Variants in AFG2A observed in about 807,000 individuals in gnomAD.
The protein encoded by AFG2A is AAA ATPase AFG2A.
At chr4:122,942,344 T>G in the AFG2A span, among the ~76,000 whole-genome samples, 12 of 151,206 alleles carry the variant, frequency 7.9e-5, no homozygotes, top group East Asian at 1.5e-3. Context: ...ATTCAACTTC[T>G]TCCTGGTTTA....
chr4:122,968,501 C>T, the AFG2A span, among the ~76,000 whole-genome samples: 1 of 152,184 alleles, frequency 6.6e-6, no homozygotes, highest in African/African-American at 2.4e-5. Context: ...TGCCATAGAT[C>T]AGTTTTGCCT....
the AFG2A span, among the ~76,000 whole-genome samples, chr4:123,202,891 C>G: frequency 6.6e-6 from 1 of 151,952 alleles, no homozygotes; most frequent in South Asian, 2.1e-4. Flanking sequence ...GGCACGATGG[C>G]TTGCATCTGT....
chr4:122,969,389 G>A, the AFG2A span, among the ~76,000 whole-genome samples: 2 of 152,052 alleles, frequency 1.3e-5, no homozygotes, highest in Admixed American at 6.6e-5. Flanking sequence ...CATAAATCAA[G>A]GGTTTGTGTT....
the AFG2A span, among the ~76,000 whole-genome samples, chr4:123,016,693 A>C: frequency 1.3e-5 from 2 of 151,830 alleles, no homozygotes; most frequent in Admixed American, 1.3e-4. Context: ...GGCCAGGCAG[A>C]GACGCTCCTC....
chr4:123,078,016 G>A, the AFG2A span, among the ~76,000 whole-genome samples: 1 of 152,260 alleles, frequency 6.6e-6, no homozygotes, highest in Admixed American at 6.5e-5. Flanking sequence ...TTATATTAAT[G>A]GCAAAGTAGC....
chr4:123,243,095 C>T, the AFG2A span, among the ~76,000 whole-genome samples: 2 of 152,160 alleles, frequency 1.3e-5, no homozygotes, highest in Non-Finnish European at 2.9e-5. Flanking sequence ...AGTTGGGAAA[C>T]AACAGATGCT....
chr4:123,157,382 A>G, the AFG2A span, among the ~76,000 whole-genome samples: 69,355 of 151,998 alleles, frequency 0.46, 19,363 homozygotes, highest in Non-Finnish European at 0.61. Context: ...CATAAGAAGC[A>G]TAAAGCTTTA....
the AFG2A span, among the ~76,000 whole-genome samples, chr4:122,997,542 T>C: frequency 1.3e-5 from 2 of 152,210 alleles, no homozygotes; most frequent in African/African-American, 2.4e-5. Context: ...AGTTCATCAG[T>C]TGATGGACAA....
At chr4:123,227,989 C>G in the AFG2A span, among the ~76,000 whole-genome samples, 9,719 of 152,034 alleles carry the variant, frequency 0.064, 1,038 homozygotes, top group African/African-American at 0.22. Context: ...CTCTTTTGAT[C>G]TTTGTTGGTT....
chr4:123,096,539 C>T, the AFG2A span, among the ~76,000 whole-genome samples: 11 of 151,942 alleles, frequency 7.2e-5, no homozygotes, highest in African/African-American at 2.4e-4. Flanking sequence ...TCTTCTTTCT[C>T]GGGTGATAAG....
the AFG2A span, among the ~76,000 whole-genome samples, chr4:123,105,389 T>C: frequency 6.6e-6 from 1 of 152,214 alleles, no homozygotes; most frequent in Non-Finnish European, 1.5e-5. Flanking sequence ...CTGATGGAAA[T>C]GCACAAGGAG....
chr4:123,292,803 T>G, the AFG2A span, among the ~76,000 whole-genome samples: 2 of 152,186 alleles, frequency 1.3e-5, no homozygotes, highest in Non-Finnish European at 2.9e-5. Flanking sequence ...TTTCCCATAA[T>G]ATTTTTCACT....
the AFG2A span, chr4:122,936,109 T>C: frequency 6.2e-7 from 1 of 1,603,806 alleles, no homozygotes; most frequent in Non-Finnish European, 8.5e-7. Flanking sequence ...GATTCTATGG[T>C]GAGACTGAAG....
At chr4:123,058,736 C>T in the AFG2A span, among the ~76,000 whole-genome samples, 1 of 50,478 alleles carries the variant, frequency 2.0e-5, no homozygotes, top group East Asian at 3.1e-3. Context: ...CTGGGTCCCT[C>T]CCACAACATG....
the AFG2A span, among the ~76,000 whole-genome samples, chr4:123,192,416 T>C: frequency 2.0e-4 from 30 of 152,224 alleles, no homozygotes; most frequent in Non-Finnish European, 3.2e-4. Flanking sequence ...CAGTGTACAG[T>C]GAACACACTC....
chr4:123,231,043 A>G, the AFG2A span, among the ~76,000 whole-genome samples: 1 of 152,014 alleles, frequency 6.6e-6, no homozygotes, highest in Non-Finnish European at 1.5e-5. Context: ...TAAGAGCCCT[A>G]GGATTTTCAG....
chr4:123,250,482 C>T, the AFG2A span, among the ~76,000 whole-genome samples: 1 of 152,142 alleles, frequency 6.6e-6, no homozygotes. Flanking sequence ...AATTTTTAGT[C>T]TGGAGCACAC....
chr4:123,086,785 C>T, the AFG2A span, among the ~76,000 whole-genome samples: 2 of 151,916 alleles, frequency 1.3e-5, no homozygotes, highest in Non-Finnish European at 2.9e-5. Flanking sequence ...TATACATATC[C>T]GTAAGTGCAG....
the AFG2A span, among the ~76,000 whole-genome samples, chr4:123,216,094 A>G: frequency 6.6e-6 from 1 of 152,178 alleles, no homozygotes; most frequent in Non-Finnish European, 1.5e-5. Flanking sequence ...TATTATAGAC[A>G]TTGAGGTCCC....
Sources: allele counts gnomAD v4.1 joint callset (sites outside exome capture counted in the v4.1 genomes callset), GRCh38; gene constraint gnomAD v4.1.1; transcripts MANE v1.5; gene names NCBI Gene and HGNC (gene_info 2026-07-23, HGNC 2026-07-21).